Variants in NUP210L observed in about 807,000 individuals in gnomAD.
The protein encoded by NUP210L is nucleoporin 210 like.
NUP210L carries 74 observed loss-of-function variants against 208.5 expected under a neutral mutation model. The observed-to-expected ratio is 0.35, with a 90% CI of 0.29 to 0.43. The LOEUF is 0.43. NUP210L is among the 20% of genes least tolerant of loss of function. The pLI, the probability that NUP210L is intolerant of heterozygous loss-of-function variation, is 1.00. For missense variants in NUP210L, 1,843 were observed against 2,289.4 expected, an observed-to-expected ratio of 0.81 and a Z score of 3.98; for synonymous variants, 780 against 816.9, an observed-to-expected ratio of 0.95 and a Z score of 0.77.
At chr1:154,057,057 C>T (rs1381692002) in intron 22 of NUP210L, 110 bp from the exon 23 acceptor site, 1 of 992,120 alleles carries the variant, frequency 1.0e-6, no homozygotes. Context: ...CAGCTCATTG[C>T]AGCCTCAACC....
At chr1:153,995,946 C>G (rs1450991975) in intron 37 of NUP210L, 2 of 479,050 alleles carry the variant, frequency 4.2e-6, no homozygotes, top group Non-Finnish European at 8.1e-6. Context: ...GGCACAAGCA[C>G]AGTCAGCTAA....
intron 12 of NUP210L, among the ~76,000 whole-genome samples, chr1:154,116,427 GAAA>G (rs1329156657): frequency 7.7e-6 from 1 of 130,526 alleles, no homozygotes. Flanking sequence ...CCATCTCAGG[GAAA>G]AAAAAAAAAA....
intron 38 of NUP210L, among the ~76,000 whole-genome samples, chr1:153,994,219 C>T (rs1649682322): frequency 6.6e-6 from 1 of 152,086 alleles, no homozygotes; most frequent in African/African-American, 2.4e-5. Flanking sequence ...TGAATTTCAG[C>T]AAAAGTAGCT....
chr1:154,125,752 GTTTTTTTTTTTTTTT>G (rs1162421953), intron 10 of NUP210L, among the ~76,000 whole-genome samples: 136 of 3,070 alleles, frequency 0.044, 43 homozygotes, highest in Non-Finnish European at 0.083. Context: ...GGAGGGAAAT[GTTTTTTTTTTTTTTT>G]TTTTTTTTTT....
chr1:154,103,540 C>T (rs1349039724), intron 13 of NUP210L, among the ~76,000 whole-genome samples: 4 of 141,720 alleles, frequency 2.8e-5, no homozygotes, highest in African/African-American at 1.0e-4. Flanking sequence ...GGCGTGGTAG[C>T]GGGCGCCTGT....
chr1:154,128,780 G>A (rs1030721372), intron 8 of NUP210L, among the ~76,000 whole-genome samples: 3 of 151,992 alleles, frequency 2.0e-5, no homozygotes, highest in Non-Finnish European at 2.9e-5. Flanking sequence ...CTGAGAGGCA[G>A]AGGTTGCAGT....
intron 29 of NUP210L, 124 bp from the exon 30 acceptor site, chr1:154,025,840 G>T (rs1479493861): frequency 4.2e-6 from 3 of 708,468 alleles, no homozygotes; most frequent in African/African-American, 1.8e-5. Context: ...CATTCTCCAC[G>T]TGTGTAATTA....
chr1:154,014,701 C>T (rs1274933180), intron 33 of NUP210L, among the ~76,000 whole-genome samples: 4 of 152,136 alleles, frequency 2.6e-5, no homozygotes, highest in African/African-American at 9.7e-5. Flanking sequence ...TATTGAGTAA[C>T]TTACTCATCT....
chr1:154,082,166 C>T (rs941614081), intron 16 of NUP210L, among the ~76,000 whole-genome samples: 4 of 152,034 alleles, frequency 2.6e-5, no homozygotes, highest in African/African-American at 9.7e-5. Context: ...TCCTTTATAA[C>T]GAAACTGTGA....
At chr1:154,006,967 T>TATATATATATATATATATA (rs57242105) in intron 35 of NUP210L, among the ~76,000 whole-genome samples, 1 of 94,896 alleles carries the variant, frequency 1.1e-5, no homozygotes, top group Non-Finnish European at 2.0e-5. Flanking sequence ...TATATATATA[T>TATATATATATATATATATA]TTTTTTTTTT....
chr1:154,058,275 A>G, intron 21 of NUP210L, 59 bp from the exon 22 acceptor site: 1 of 1,579,086 alleles, frequency 6.3e-7, no homozygotes, highest in East Asian at 2.2e-5. Flanking sequence ...ATGGCAGTCT[A>G]ACTCTTAGAG....
chr1:153,995,578 A>G, intron 37 of NUP210L: 1 of 754,716 alleles, frequency 1.3e-6, no homozygotes. Flanking sequence ...GCTACTTTAA[A>G]ATGCTGGTTA....
At chr1:154,070,405 T>C (rs548416964) in exon 17 of NUP210L, 2 of 1,613,126 alleles carry the variant, frequency 1.2e-6, no homozygotes, top group African/African-American at 2.7e-5. Flanking sequence ...TCAAACTTTC[T>C]CCTATGTTGA....
intron 12 of NUP210L, 188 bp from the exon 13 acceptor site, chr1:154,104,398 T>G: frequency 1.7e-6 from 1 of 585,754 alleles, no homozygotes; most frequent in Non-Finnish European, 3.0e-6. Context: ...TCACAGTACC[T>G]GGTTTTAACA....
chr1:154,002,933 AC>A (rs1650302271), intron 35 of NUP210L, among the ~76,000 whole-genome samples: 1 of 151,836 alleles, frequency 6.6e-6, no homozygotes, highest in East Asian at 1.9e-4. Context: ...TATGTATCAG[AC>A]CACCTCTTGG....
chr1:154,148,827 T>C (rs191768737), intron 2 of NUP210L, among the ~76,000 whole-genome samples: 69 of 152,164 alleles, frequency 4.5e-4, no homozygotes, highest in African/African-American at 1.4e-3. Context: ...GATCTGCTGG[T>C]AGAATTACCA....
At chr1:154,139,873 C>T (rs769979535) in exon 5 of NUP210L, 83 of 1,613,148 alleles carry the variant, frequency 5.1e-5, no homozygotes, top group Non-Finnish European at 6.9e-5. Flanking sequence ...ACTAAAATCA[C>T]ATCTCCTTGT....
At chr1:154,032,149 G>C (rs1400780419) in intron 27 of NUP210L, among the ~76,000 whole-genome samples, 2 of 152,168 alleles carry the variant, frequency 1.3e-5, no homozygotes, top group African/African-American at 4.8e-5. Context: ...ATTGTGAATA[G>C]TGCTGCAATA....
exon 13 of NUP210L, chr1:154,104,089 A>G (rs1656622876): frequency 6.2e-7 from 1 of 1,614,130 alleles, no homozygotes. Context: ...TGTGAATGCC[A>G]TGGCTTCTTT....
Sources: gnomAD v4.1 joint callset for allele counts (sites outside exome capture counted in the v4.1 genomes callset) on GRCh38, gnomAD v4.1.1 for gene constraint, MANE v1.5 for transcripts, NCBI Gene and HGNC (gene_info 2026-07-23, HGNC 2026-07-21) for gene names.